Variants in OTULIN observed in about 807,000 individuals in gnomAD.
The protein encoded by OTULIN is ubiquitin thioesterase otulin.
In OTULIN, 15 loss-of-function variants were observed where a neutral mutation model predicts 39.6. The observed-to-expected ratio is 0.38, with a 90% CI of 0.25 to 0.58. The LOEUF is 0.58. OTULIN is among the 20% of genes least tolerant of loss of function. The pLI is 0.66. For missense variants in OTULIN, 319 were observed against 445.9 expected (o/e 0.72, Z 2.56); for synonymous variants, 156 against 170.3 (o/e 0.92, Z 0.65).
chr5:14,680,144 G>T (rs749708430), intron 3 of OTULIN, among the ~76,000 whole-genome samples: 5 of 152,192 alleles, frequency 3.3e-5, no homozygotes, highest in African/African-American at 9.7e-5. Flanking sequence ...TACAGCTGCA[G>T]TTGGATTTGC....
intron 5 of OTULIN, among the ~76,000 whole-genome samples, chr5:14,688,625 A>G (rs1188618801): frequency 1.3e-5 from 2 of 152,192 alleles, no homozygotes; most frequent in South Asian, 2.1e-4. Flanking sequence ...TGGAAAATAT[A>G]CTGTCAAAGG....
Position 14,681,579 on chromosome 5 carries a change from C to T in OTULIN, c.440C>T (p.Pro147Leu). 6.2e-7 allele frequency: 1 copy of T among 1,613,942 alleles called. No homozygotes were observed. Among genetic ancestry groups the T allele is most frequent in the Non-Finnish European group, 8.5e-7 (1 of 1,180,000 alleles). The stretch of plus-strand genomic sequence containing the variant: ...ATGAGCCAGGCTGTGGGGCTGCCGC[C>T]CTGGCTGCAGGACCCGGAGCTCATG... The part of the protein sequence containing the change: ...QAMSQAVGLP[P>L]WLQDPELMLL... Residue 147 changes from proline to leucine, a missense_variant, in exon 4 of 7, where the codon CCC becomes CTC. Physicochemically the swap from Pro to Leu is moderately conservative, Grantham distance 98 (BLOSUM62 -3). Coordinates refer to ENST00000284274, the MANE Select transcript of OTULIN (RefSeq NM_138348.6).
chr5:14,672,822 T>G (rs984015258), intron 1 of OTULIN, among the ~76,000 whole-genome samples: 1 of 152,228 alleles, frequency 6.6e-6, no homozygotes, highest in Non-Finnish European at 1.5e-5. Context: ...TCTTTGGACT[T>G]TCACCTGTCT....
the OTULIN span, chr5:14,707,909 G>A: frequency 4.6e-5 from 7 of 152,130 alleles, no homozygotes; most frequent in Non-Finnish European, 7.3e-5. Context: ...CAGTCATGGG[G>A]GATGACTGTT....
At chr5:14,665,808 T>C (rs1258344639) in intron 1 of OTULIN, among the ~76,000 whole-genome samples, 4 of 152,350 alleles carry the variant, frequency 2.6e-5, no homozygotes, top group South Asian at 2.1e-4. Flanking sequence ...AAGGGGTCCT[T>C]TGGAGGCCTG....
chr5:14,710,213 A>G, the OTULIN span: 1 of 152,210 alleles, frequency 6.6e-6, no homozygotes, highest in African/African-American at 2.4e-5. Flanking sequence ...ATCTACTTCA[A>G]AAGTTACCCT....
intron 2 of OTULIN, among the ~76,000 whole-genome samples, chr5:14,677,124 A>G (rs544607370): frequency 6.6e-6 from 1 of 152,314 alleles, no homozygotes; most frequent in Non-Finnish European, 1.5e-5. Context: ...TTAAGAGTTT[A>G]CTTAAAAAAT....
downstream of OTULIN, among the ~76,000 whole-genome samples, chr5:14,703,710 T>C (rs1370343095): frequency 6.6e-6 from 1 of 152,128 alleles, no homozygotes; most frequent in Non-Finnish European, 1.5e-5. Flanking sequence ...GAACTGAACA[T>C]ACTTGACCCG....
intron 2 of OTULIN, among the ~76,000 whole-genome samples, chr5:14,678,286 C>A (rs928536495): frequency 1.3e-5 from 2 of 152,060 alleles, no homozygotes; most frequent in African/African-American, 2.4e-5. Flanking sequence ...GGGGCTGGAG[C>A]CCACTCAGTG....
the OTULIN span, among the ~76,000 whole-genome samples, chr5:14,711,982 A>T: frequency 6.6e-6 from 1 of 151,744 alleles, no homozygotes; most frequent in Non-Finnish European, 1.5e-5. Context: ...GATCCCACCA[A>T]CCCTTCATTG....
rs911291861 is a variant in OTULIN at position 14,690,105 on chromosome 5, A to G, written c.661A>G (p.Asn221Asp). 1.2e-6 allele frequency: 2 copies of G among 1,614,232 alleles called. No homozygotes were observed. Among genetic ancestry groups the G allele is most frequent in the Non-Finnish European group, 1.7e-6 (2 of 1,180,032 alleles). Reference protein sequence around the residue: ...RQIACDELFTNEAEEYSLYEA... With the variant: ...RQIACDELFTDEAEEYSLYEA... ...GATAGCTTGTGATGAACTATTCACA[A>G]ATGAGGCGGAGGAATATAGCCTCTA... Residue 221 changes from asparagine (N) to aspartate (D), a missense_variant, in exon 6 of 7, where the codon AAT (asparagine) becomes GAT (aspartate). This residue lies in a region of OTULIN where 106 missense variants were observed against 192.8 expected (regional missense o/e 0.55). Transcript: ENST00000284274. This position sits in a 1 kb window ranked among gnomAD's most constrained non-coding sequence, Gnocchi z 4.5.
At chr5:14,692,671 A>G (rs1398766245) in intron 6 of OTULIN, among the ~76,000 whole-genome samples, 183 bp from the exon 7 acceptor site, 1 of 128,456 alleles carries the variant, frequency 7.8e-6, no homozygotes, top group Non-Finnish European at 1.6e-5. Context: ...TCCATTCTTG[A>G]TTATCTGCTT....
chr5:14,704,100 G>A (rs1234745949), downstream of OTULIN, among the ~76,000 whole-genome samples: 2 of 152,100 alleles, frequency 1.3e-5, no homozygotes, highest in Non-Finnish European at 2.9e-5. Flanking sequence ...GGGAGGCAGA[G>A]GTTGGCAGAT....
intron 1 of OTULIN, among the ~76,000 whole-genome samples, chr5:14,665,335 T>A (rs1233712423): frequency 1.3e-5 from 2 of 152,124 alleles, no homozygotes; most frequent in Non-Finnish European, 2.9e-5. Context: ...AGGGAGGAAG[T>A]GAGGTCGACC....
At chr5:14,707,730 T>C in the OTULIN span, 1 of 152,208 alleles carries the variant, frequency 6.6e-6, no homozygotes, top group African/African-American at 2.4e-5. Context: ...GTAAAGAAGC[T>C]TTATTTGGCC....
chr5:14,708,373 G>A, the OTULIN span: 2 of 152,318 alleles, frequency 1.3e-5, no homozygotes, highest in Admixed American at 1.3e-4. Flanking sequence ...TCTTTCCCTG[G>A]TCTTTGACAT....
At chr5:14,682,308 T>C (rs1303754574) in intron 4 of OTULIN, among the ~76,000 whole-genome samples, 2 of 152,152 alleles carry the variant, frequency 1.3e-5, no homozygotes, top group Non-Finnish European at 2.9e-5. Context: ...ACCTTCTGTA[T>C]CTAAAATAAA....
the OTULIN span, chr5:14,711,445 C>T: frequency 4.9e-5 from 36 of 736,676 alleles, no homozygotes; most frequent in African/African-American, 5.0e-4. Context: ...GTTGGGGTGG[C>T]GTCACCTCTT....
intron 3 of OTULIN, among the ~76,000 whole-genome samples, chr5:14,680,700 A>G (rs937456256): frequency 6.6e-6 from 1 of 152,216 alleles, no homozygotes; most frequent in African/African-American, 2.4e-5. Flanking sequence ...TGAGTGCCCA[A>G]GCATGTCACT....
Sources: gnomAD v4.1 joint callset for allele counts (sites outside exome capture counted in the v4.1 genomes callset) on GRCh38, gnomAD v4.1.1 for gene constraint, gnomAD v4.1.1 regional missense constraint, Gnocchi (gnomAD v3.1) non-coding constraint, MANE v1.5 for transcripts, NCBI Gene and HGNC (gene_info 2026-07-23, HGNC 2026-07-21) for gene names.